RNF216: variants seen among roughly 807,000 people sequenced by gnomAD.
RNF216 encodes the protein E3 ubiquitin-protein ligase RNF216.
In RNF216, 72 loss-of-function variants were observed where a neutral mutation model predicts 110.8. The ratio of observed to expected loss-of-function variants is 0.65; its 90% CI spans 0.54 to 0.79. The LOEUF is 0.79. Among genes scored for constraint, RNF216 ranks in the 30% least tolerant of loss-of-function variants. The pLI, the probability that RNF216 is intolerant of heterozygous loss-of-function variation, is 0.00. For synonymous variants in RNF216, 495 were observed against 407.5 expected (o/e 1.21, Z -2.59); for missense variants, 1,342 against 1,141.2 (o/e 1.18, Z -2.54).
chr7:5,653,700 G>GA (rs1788548998), intron 13 of RNF216, among the ~76,000 whole-genome samples: 1 of 151,872 alleles, frequency 6.6e-6, no homozygotes, highest in South Asian at 2.1e-4. Flanking sequence ...TACAGTGAAG[G>GA]AAAACATAGT....
chr7:5,627,968 A>G (rs932950350), intron 15 of RNF216, among the ~76,000 whole-genome samples: 2 of 152,144 alleles, frequency 1.3e-5, no homozygotes, highest in Non-Finnish European at 2.9e-5. Context: ...CTCCCTCAGA[A>G]GGGTCTGAGG....
chr7:5,652,294 C>G (rs964683619), intron 14 of RNF216, 119 bp downstream of exon 14: 6 of 725,362 alleles, frequency 8.3e-6, no homozygotes, highest in Non-Finnish European at 1.0e-5. Flanking sequence ...CCCAAGATCA[C>G]TCCAGACTGG....
intron 3 of RNF216, among the ~76,000 whole-genome samples, chr7:5,745,678 T>G (rs1416950637): frequency 6.6e-6 from 1 of 151,996 alleles, no homozygotes. Context: ...GGTGGGTGGA[T>G]AACTTGAGGT....
intron 4 of RNF216, among the ~76,000 whole-genome samples, chr7:5,740,094 G>A (rs1332023364): frequency 2.1e-5 from 3 of 139,860 alleles, no homozygotes; most frequent in African/African-American, 8.1e-5. Flanking sequence ...GTGGCTACCA[G>A]ATGTAACACC....
At chr7:5,732,761 C>T (rs1794166342) in intron 5 of RNF216, among the ~76,000 whole-genome samples, 1 of 152,198 alleles carries the variant, frequency 6.6e-6, no homozygotes, top group African/African-American at 2.4e-5. Flanking sequence ...GTGGGGAAGC[C>T]TGTCGGACTT....
chr7:5,733,689 AGAG>A, intron 5 of RNF216, among the ~76,000 whole-genome samples: 1 of 152,002 alleles, frequency 6.6e-6, no homozygotes, highest in East Asian at 1.9e-4. Flanking sequence ...AGGAATTCAA[AGAG>A]AAGAGAGAAG....
At chr7:5,626,770 A>G (rs1786734466) in intron 15 of RNF216, among the ~76,000 whole-genome samples, 1 of 152,150 alleles carries the variant, frequency 6.6e-6, no homozygotes, top group Non-Finnish European at 1.5e-5. Flanking sequence ...CAGGTTCCTG[A>G]GTATCCCTGC....
chr7:5,772,119 G>C (rs1328973170), intron 1 of RNF216, among the ~76,000 whole-genome samples: 2 of 152,124 alleles, frequency 1.3e-5, no homozygotes, highest in Non-Finnish European at 2.9e-5. Context: ...TGTAATCCCA[G>C]CTACTCAGGA....
chr7:5,695,263 A>T (rs1791554230), intron 13 of RNF216, among the ~76,000 whole-genome samples: 1 of 152,078 alleles, frequency 6.6e-6, no homozygotes, highest in Non-Finnish European at 1.5e-5. Flanking sequence ...CAATATACAA[A>T]ACCACCTGCG....
In RNF216 at chr7:5,624,228, G is replaced by C. The variant is rs117684214; in HGVS notation, c.2383-103C>G. ...CTTGTTGCTTATGGCCATGGAACAA[G>C]CCCGAAGCCTGCTGCTGGCCAGTGG... On this transcript the variant is annotated intron_variant, in intron 15 of 16. Transcript: ENST00000389902. This position sits in a 1 kb window ranked among gnomAD's most constrained non-coding sequence, Gnocchi z 4.4. 3,927 of 923,262 alleles carry C rather than the reference G, an allele frequency of 4.3e-3. 121 individuals are homozygous for C. The East Asian group carries it at 0.07, about 16-fold the overall frequency. 57.2% of individuals were successfully genotyped at this position (923,262 alleles called of 1,614,324 possible).
intron 5 of RNF216, among the ~76,000 whole-genome samples, chr7:5,735,141 G>A (rs11984395): frequency 0.024 from 3,621 of 151,970 alleles, 133 homozygotes; most frequent in African/African-American, 0.082. Flanking sequence ...GTGAGACTTC[G>A]TCTCAAAAAA....
intron 13 of RNF216, among the ~76,000 whole-genome samples, chr7:5,698,384 T>TATACAC (rs1554254095): frequency 6.9e-6 from 1 of 145,300 alleles, no homozygotes; most frequent in Non-Finnish European, 1.5e-5. Context: ...GATTCTTTTA[T>TATACAC]ACACACACAC....
At chr7:5,648,541 C>G (rs537481777) in intron 14 of RNF216, among the ~76,000 whole-genome samples, 1 of 151,216 alleles carries the variant, frequency 6.6e-6, no homozygotes, top group Admixed American at 6.6e-5. Context: ...CTGGTTAACA[C>G]GGTGAAACCC....
rs1034166912 is a variant in RNF216, at chr7:5,722,399, T to C, written c.1505-1227A>G. Among the ~76,000 whole-genome samples, 27 of 150,054 alleles carry C rather than the reference T, an allele frequency of 1.8e-4. No homozygotes were observed. The Admixed American group carries it at 1.8e-3, about 10-fold the overall frequency. ...TTTTTTTGTTTGTTTGTTTGTTTTG[T>C]TTTTTTTTGAGACAGAGTCTCACTC... On this transcript the variant is annotated intron_variant, in intron 8 of 16. Coordinates refer to ENST00000389902, the MANE Select transcript of RNF216 (RefSeq NM_207111.4).
intron 7 of RNF216, among the ~76,000 whole-genome samples, chr7:5,729,216 C>G (rs1393797040): frequency 1.3e-5 from 2 of 152,202 alleles, no homozygotes; most frequent in African/African-American, 4.8e-5. Context: ...CATGTTTTTA[C>G]GGTCAAAGCA....
At chr7:5,779,222 G>C (rs753888329) in intron 1 of RNF216, among the ~76,000 whole-genome samples, 2 of 152,060 alleles carry the variant, frequency 1.3e-5, no homozygotes, top group Non-Finnish European at 2.9e-5. Flanking sequence ...ATCAACTTTC[G>C]ATCTGCCTCA....
In RNF216 at chr7:5,741,497, A is replaced by T. The variant is rs769464668; in HGVS notation, c.520T>A (p.Ser174Thr). The change falls in exon 4 of 17, where the codon TCA becomes ACA. Residue 174 changes from serine (S) to threonine (T), a missense_variant. Physicochemically the swap from Ser to Thr is moderately conservative, Grantham distance 58. Transcript: ENST00000389902. ...TCCAAGATGATGACTTTCTGCTCTG[A>T]TCTGGGGTTGACAATGTCATTTGCT... ...QAANDIVNPR[S>T]EQKVIILEEG... 6 of 1,613,980 alleles carry T rather than the reference A, an allele frequency of 3.7e-6. No individual in the cohort carries two copies. Among genetic ancestry groups the T allele is most frequent in the African/African-American group, 1.3e-5 (1 of 74,890 alleles).
At chr7:5,761,780 C>T (rs1433229234) in intron 1 of RNF216, among the ~76,000 whole-genome samples, 3 of 147,640 alleles carry the variant, frequency 2.0e-5, no homozygotes, top group South Asian at 2.1e-4. Context: ...AGTGAGACTC[C>T]GTCACAAAAA....
intron 2 of RNF216, among the ~76,000 whole-genome samples, chr7:5,756,918 G>A (rs1338702507): frequency 2.6e-5 from 4 of 152,164 alleles, no homozygotes; most frequent in African/African-American, 9.7e-5. Flanking sequence ...TTACAAGCAT[G>A]AGCCACTGCG....
Sources: allele counts gnomAD v4.1 joint callset (sites outside exome capture counted in the v4.1 genomes callset), GRCh38; gene constraint gnomAD v4.1.1; non-coding constraint Gnocchi (gnomAD v3.1); transcripts MANE v1.5; gene names NCBI Gene and HGNC (gene_info 2026-07-23, HGNC 2026-07-21).